Variants in GLIS3 observed in about 807,000 individuals in gnomAD.
The protein encoded by GLIS3 is zinc finger protein GLIS3.
A neutral mutation model predicts 78.6 loss-of-function variants in GLIS3; 53 were observed. The ratio of observed to expected loss-of-function variants is 0.67; its 90% CI spans 0.54 to 0.85. The LOEUF (loss-of-function observed/expected upper bound fraction) is 0.85. GLIS3 is among the 40% of genes least tolerant of loss of function. The pLI, the probability that GLIS3 is intolerant of heterozygous loss-of-function variation, is 0.00. For synonymous variants in GLIS3, 684 were observed against 509.9 expected, an observed-to-expected ratio of 1.34 and a Z score of -4.60; for missense variants, 1,703 against 1,231.1, an observed-to-expected ratio of 1.38 and a Z score of -5.74.
At chr9:4,379,265 T>C in the GLIS3 span, among the ~76,000 whole-genome samples, 1 of 152,222 alleles carries the variant, frequency 6.6e-6, no homozygotes, top group South Asian at 2.1e-4. Context: ...TTGCTGGCTA[T>C]GGGTCTCTTC....
the GLIS3 span, among the ~76,000 whole-genome samples, chr9:4,403,646 T>C: frequency 2.0e-5 from 3 of 152,168 alleles, no homozygotes; most frequent in Non-Finnish European, 4.4e-5. Flanking sequence ...TGTTAAGTTG[T>C]CATCAGTTTA....
At position 4,134,775 on chromosome 9, in the gene GLIS3, C is replaced by T. The variant is rs1194770367; in HGVS notation, c.389-8834G>A. On this transcript the variant is annotated intron_variant, in intron 2 of 10. Transcript: ENST00000381971. ...AAAAGGAACTGTCTCTCAGTATGCC[C>T]TTCTCTGTCAAAGTAGAAAGAATAA... Among the ~76,000 whole-genome samples, 4 of 152,184 alleles carry T rather than the reference C, an allele frequency of 2.6e-5. No homozygotes were observed. In the East Asian group the frequency reaches 7.7e-4, roughly 29 times the overall value.
At chr9:4,044,878 G>A (rs1259141882) in intron 4 of GLIS3, among the ~76,000 whole-genome samples, 1 of 152,034 alleles carries the variant, frequency 6.6e-6, no homozygotes, top group Non-Finnish European at 1.5e-5. Context: ...CAGGATAATA[G>A]AATGAGTAAG....
chr9:4,410,011 C>T, the GLIS3 span, among the ~76,000 whole-genome samples: 3 of 152,124 alleles, frequency 2.0e-5, no homozygotes, highest in Non-Finnish European at 2.9e-5. Flanking sequence ...CACTCTGTCA[C>T]CCAGGCTGGA....
At chr9:4,335,050 A>G (rs1202927325) in intron 2 of GLIS3, among the ~76,000 whole-genome samples, 4 of 151,214 alleles carry the variant, frequency 2.6e-5, no homozygotes, top group Admixed American at 2.6e-4. Flanking sequence ...CTGGGACTAC[A>G]GGCGCCCGCC....
At chr9:4,108,010 C>A (rs998067516) in intron 4 of GLIS3, among the ~76,000 whole-genome samples, 16 of 152,016 alleles carry the variant, frequency 1.1e-4, no homozygotes, top group African/African-American at 3.9e-4. Context: ...CGTTGAGCCA[C>A]GTGCTATGGT....
intron 6 of GLIS3, 54 bp downstream of exon 6, chr9:3,932,306 C>G (rs997659037): frequency 1.4e-6 from 2 of 1,385,164 alleles, no homozygotes; most frequent in Non-Finnish European, 2.1e-6. Context: ...TCGTGTACTA[C>G]AAGAATAATC....
chr9:4,348,289 C>G (rs565952718), exon 1 of GLIS3: 1 of 152,118 alleles, frequency 6.6e-6, no homozygotes, highest in Non-Finnish European at 1.5e-5. Flanking sequence ...ACAATATCAT[C>G]GAGGACCAAG....
intron 2 of GLIS3, among the ~76,000 whole-genome samples, chr9:4,224,477 T>A (rs1821596148): frequency 6.6e-6 from 1 of 152,206 alleles, no homozygotes; most frequent in African/African-American, 2.4e-5. Context: ...AATCACTATC[T>A]TGTGTCTCAT....
chr9:4,062,619 G>GA (rs975164851), intron 4 of GLIS3, among the ~76,000 whole-genome samples: 1 of 152,168 alleles, frequency 6.6e-6, no homozygotes, highest in Non-Finnish European at 1.5e-5. Context: ...CTGTGAAGAT[G>GA]AAATAGCATA....
chr9:4,004,860 T>C (rs1331848866), intron 4 of GLIS3, among the ~76,000 whole-genome samples: 1 of 152,220 alleles, frequency 6.6e-6, no homozygotes, highest in East Asian at 1.9e-4. Context: ...CTTTTAAATA[T>C]ACTTATATTT....
chr9:3,920,405 G>C (rs906843730), intron 6 of GLIS3, among the ~76,000 whole-genome samples: 2 of 152,134 alleles, frequency 1.3e-5, no homozygotes, highest in South Asian at 2.1e-4. Context: ...CTATGTTAAA[G>C]TGTCTAATCA....
At chr9:4,392,244 G>A in the GLIS3 span, among the ~76,000 whole-genome samples, 2 of 151,828 alleles carry the variant, frequency 1.3e-5, no homozygotes, top group African/African-American at 4.8e-5. Context: ...CTGTCGTGGG[G>A]CGGGGGTCGG....
chr9:4,090,856 G>T (rs1829437952), intron 4 of GLIS3, among the ~76,000 whole-genome samples: 1 of 152,232 alleles, frequency 6.6e-6, no homozygotes, highest in African/African-American at 2.4e-5. Context: ...TCACTAGACT[G>T]TACATTCTGC....
At chr9:3,979,531 TCTC>T (rs1819067396) in intron 4 of GLIS3, among the ~76,000 whole-genome samples, 2 of 152,206 alleles carry the variant, frequency 1.3e-5, no homozygotes, top group African/African-American at 4.8e-5. Flanking sequence ...GACAGTGACT[TCTC>T]CTCTATGTGC....
intron 4 of GLIS3, among the ~76,000 whole-genome samples, chr9:4,110,792 T>C (rs1326996070): frequency 1.3e-5 from 2 of 152,046 alleles, no homozygotes; most frequent in African/African-American, 2.4e-5. Context: ...CTAATAAATC[T>C]ACCTGGAAAA....
chr9:4,318,314 G>A (rs1817470062), intron 2 of GLIS3, among the ~76,000 whole-genome samples: 1 of 152,136 alleles, frequency 6.6e-6, no homozygotes, highest in Non-Finnish European at 1.5e-5. Context: ...AAAGCACCTA[G>A]AATCAATGAC....
At chr9:4,169,125 G>C (rs554845947) in intron 2 of GLIS3, among the ~76,000 whole-genome samples, 1 of 152,058 alleles carries the variant, frequency 6.6e-6, no homozygotes, top group African/African-American at 2.4e-5. Context: ...GTTAATTGTT[G>C]GTCAAGCTTT....
At chr9:4,347,155 C>T (rs993653688) in exon 2 of GLIS3, 1 of 152,304 alleles carries the variant, frequency 6.6e-6, no homozygotes, top group Non-Finnish European at 1.5e-5. Flanking sequence ...GCCACTTCCA[C>T]TCATGGCAGA....
Sources: gnomAD v4.1 joint callset for allele counts (sites outside exome capture counted in the v4.1 genomes callset) on GRCh38, gnomAD v4.1.1 for gene constraint, MANE v1.5 for transcripts, NCBI Gene and HGNC (gene_info 2026-07-23, HGNC 2026-07-21) for gene names.